ZFAT: variants seen among roughly 807,000 people sequenced by gnomAD.
ZFAT encodes the protein zinc finger and AT-hook domain containing, also known as zinc finger protein ZFAT.
Under a neutral mutation model 117.7 loss-of-function variants are expected in ZFAT, and 64 were observed. That is an observed-to-expected ratio of 0.54 (90% CI 0.44 to 0.67). The LOEUF is 0.67. Among genes scored for constraint, ZFAT ranks in the 30% least tolerant of loss-of-function variants. The pLI is 0.00. For missense variants in ZFAT, 1,433 were observed against 1,584.5 expected (o/e 0.90, Z 1.62); for synonymous variants, 679 against 615.0 (o/e 1.10, Z -1.54).
At chr8:134,590,141 C>T (rs1826355564) in intron 8 of ZFAT, 127 bp downstream of exon 8, 1 of 658,856 alleles carries the variant, frequency 1.5e-6, no homozygotes, top group Admixed American at 2.9e-5. Flanking sequence ...ATGTTTGTTT[C>T]CCATGAATAT....
chr8:134,588,577 T>A (rs1299292809), intron 8 of ZFAT, among the ~76,000 whole-genome samples, 182 bp from the exon 9 acceptor site: 1 of 152,224 alleles, frequency 6.6e-6, no homozygotes, highest in African/African-American at 2.4e-5. Context: ...TCTCAGTATC[T>A]GTTAACATCA....
Position 134,601,760 on chromosome 8 carries a change from G to T in ZFAT, c.1959C>A (p.Pro653=). ...SDQESHGAQS[P]LGEGQNMAVL... ...CAGCCATGTTCTGCCCTTCCCCTAG[G>T]GGGCTCTGGGCGCCATGGCTTTCCT... is the stretch of plus-strand genomic sequence containing the variant. Residue 653 remains proline, a synonymous_variant, in exon 6 of 16, where the codon CCC becomes CCA. Transcript: ENST00000377838. The T allele has an allele frequency of 1.9e-6, 3 of 1,613,814 alleles. No individual in the cohort carries two copies. The highest frequency in any genetic ancestry group is 2.2e-5 in the South Asian group (2 of 90,980).
chr8:134,627,706 T>A (rs1337645156), intron 3 of ZFAT, among the ~76,000 whole-genome samples: 1 of 152,216 alleles, frequency 6.6e-6, no homozygotes, highest in South Asian at 2.1e-4. Context: ...GTCTGCTGTA[T>A]GAGAATCCAT....
chr8:134,484,239 G>C (rs555107968), intron 15 of ZFAT, among the ~76,000 whole-genome samples: 4 of 152,212 alleles, frequency 2.6e-5, no homozygotes, highest in African/African-American at 9.6e-5. Context: ...CGGCTCCTCT[G>C]TGCCCAGTCC....
At chr8:134,658,321 A>G (rs1831743844) in intron 1 of ZFAT, among the ~76,000 whole-genome samples, 1 of 102,906 alleles carries the variant, frequency 9.7e-6, no homozygotes, top group South Asian at 3.0e-4. Flanking sequence ...TGGGCGACAG[A>G]GCGAGATTCT....
At chr8:134,682,683 A>T (rs2131303067) in intron 1 of ZFAT, among the ~76,000 whole-genome samples, 1 of 152,272 alleles carries the variant, frequency 6.6e-6, no homozygotes, top group Non-Finnish European at 1.5e-5. Flanking sequence ...AATTAAATTA[A>T]ATTAAAAAGT....
chr8:134,590,406 T>C (rs906029987), intron 7 of ZFAT, 51 bp from the exon 8 acceptor site: 2 of 1,500,584 alleles, frequency 1.3e-6, no homozygotes, highest in Non-Finnish European at 1.8e-6. Context: ...AAATCTGTGG[T>C]CTGTAAAAAA....
At chr8:134,499,425 G>C (rs1158493079) in intron 15 of ZFAT, among the ~76,000 whole-genome samples, 1 of 149,226 alleles carries the variant, frequency 6.7e-6, no homozygotes, top group Non-Finnish European at 1.5e-5. Context: ...TACACACAGA[G>C]CGTGATTTGG....
chr8:134,770,907 T>C, the ZFAT span, among the ~76,000 whole-genome samples: 3 of 152,078 alleles, frequency 2.0e-5, no homozygotes, highest in Non-Finnish European at 4.4e-5. Flanking sequence ...GAAGAGGAAA[T>C]TCCCACCGAA....
rs115187682 is a variant in ZFAT, at chr8:134,558,684, C to T, written c.2976+6649G>A. 7.5e-3 allele frequency among the ~76,000 whole-genome samples: 1,140 copies of T among 152,192 alleles called. 14 individuals are homozygous for T. Among genetic ancestry groups the T allele is most frequent in the African/African-American group, 0.024 (987 of 41,512 alleles). The stretch of plus-strand genomic sequence containing the variant: ...GTTATATTCCTTGCTGTAGTTCTTT[C>T]GAGAACTAGAGTCATTTTCAAGAGA... On this transcript the variant is annotated intron_variant, in intron 11 of 15. Transcript: ENST00000377838.
intron 5 of ZFAT, among the ~76,000 whole-genome samples, chr8:134,607,657 C>G (rs906259356): frequency 3.9e-5 from 6 of 152,246 alleles, no homozygotes; most frequent in African/African-American, 1.2e-4. Context: ...CTATTTCATT[C>G]TGAAGCTTAT....
upstream of ZFAT, among the ~76,000 whole-genome samples, chr8:134,714,336 T>G (rs1376333745): frequency 6.6e-6 from 1 of 152,184 alleles, no homozygotes; most frequent in East Asian, 1.9e-4. Context: ...CATCCCCCAC[T>G]TCTCTGTTTG....
At chr8:134,719,235 T>A in the ZFAT span, among the ~76,000 whole-genome samples, 1 of 152,210 alleles carries the variant, frequency 6.6e-6, no homozygotes, top group Non-Finnish European at 1.5e-5. Context: ...GGAAGCCCAA[T>A]CTCCAGGTCT....
chr8:134,493,366 C>T (rs1363440012), intron 15 of ZFAT, among the ~76,000 whole-genome samples: 2 of 152,186 alleles, frequency 1.3e-5, no homozygotes, highest in African/African-American at 2.4e-5. Flanking sequence ...GCCTTCGAAA[C>T]AGGCTGAGAG....
At chr8:134,732,638 A>G in the ZFAT span, among the ~76,000 whole-genome samples, 4 of 152,268 alleles carry the variant, frequency 2.6e-5, no homozygotes, top group African/African-American at 4.8e-5. Context: ...GACAATTTCC[A>G]TTAGTTCTCA....
intron 4 of ZFAT, 135 bp downstream of exon 4, chr8:134,610,335 A>C (rs1053441779): frequency 2.0e-6 from 2 of 988,982 alleles, no homozygotes; most frequent in African/African-American, 1.6e-5. Context: ...CATCCTCTCA[A>C]ATTAGTGGGT....
the ZFAT span, among the ~76,000 whole-genome samples, chr8:134,786,542 T>G: frequency 2.0e-5 from 3 of 152,226 alleles, no homozygotes; most frequent in Non-Finnish European, 4.4e-5. Flanking sequence ...CTCTTTAACC[T>G]ATTAACATGG....
At chr8:134,498,922 T>C (rs1818717108) in intron 15 of ZFAT, among the ~76,000 whole-genome samples, 1 of 19,482 alleles carries the variant, frequency 5.1e-5, no homozygotes, top group East Asian at 2.1e-3. Context: ...GGGGTGGAAC[T>C]GGGATGCCCC....
the ZFAT span, among the ~76,000 whole-genome samples, chr8:134,722,026 G>A: frequency 1.3e-5 from 2 of 152,242 alleles, no homozygotes; most frequent in Non-Finnish European, 2.9e-5. Context: ...CCCACCAGGT[G>A]CCCAAAGTGT....
Sources: gnomAD v4.1 joint callset for allele counts (sites outside exome capture counted in the v4.1 genomes callset) on GRCh38, gnomAD v4.1.1 for gene constraint, MANE v1.5 for transcripts, NCBI Gene and HGNC (gene_info 2026-07-23, HGNC 2026-07-21) for gene names.